ISLR2: variants seen among roughly 807,000 people sequenced by gnomAD.
ISLR2 encodes immunoglobulin superfamily containing leucine rich repeat 2.
ISLR2 carries 16 observed loss-of-function variants against 25.5 expected under a neutral mutation model. That is an observed-to-expected ratio of 0.63 (90% CI 0.43 to 0.95). The LOEUF is 0.95. Ranked by LOEUF, ISLR2 falls within the 40% of genes least tolerant of loss-of-function variation. ISLR2 has a pLI of 0.00. For synonymous variants in ISLR2, 508 were observed against 486.6 expected (o/e 1.04, Z -0.58); for missense variants, 883 against 1,030.7 (o/e 0.86, Z 1.96).
At position 74,134,080 on chromosome 15, in the gene ISLR2, A is replaced by G. The variant is rs775051626; in HGVS notation, c.1326A>G (p.Gly442=). The G allele has an allele frequency of 4.3e-6, 7 of 1,613,530 alleles. No individual in the cohort carries two copies. The highest frequency in any genetic ancestry group is 5.9e-6 in the Non-Finnish European group (7 of 1,179,872). ...ETEPEEDTSE[G]EEAEDQILAD... ...AGCCGGAGGAGGACACAAGTGAGGG[A>G]GAGGAGGCCGAAGACCAGATCCTCG... The change falls in exon 3 of 3, where the codon GGA becomes GGG. Residue 442 remains glycine, a synonymous_variant. Coordinates refer to ENST00000453268, the MANE Select transcript of ISLR2 (RefSeq NM_020851.3).
intron 2 of ISLR2, among the ~76,000 whole-genome samples, chr15:74,106,900 G>A (rs2072124919): frequency 6.6e-6 from 1 of 152,138 alleles, no homozygotes; most frequent in Admixed American, 6.5e-5. Flanking sequence ...AATTCTTACA[G>A]AGCCCTTCAT....
chr15:74,122,030 C>T (rs2072256889), intron 2 of ISLR2, among the ~76,000 whole-genome samples: 1 of 152,190 alleles, frequency 6.6e-6, no homozygotes. Flanking sequence ...CCCATCCACC[C>T]CAGAGACAGC....
intron 2 of ISLR2, among the ~76,000 whole-genome samples, chr15:74,110,929 C>T (rs1310469137): frequency 6.6e-6 from 1 of 151,646 alleles, no homozygotes; most frequent in Non-Finnish European, 1.5e-5. Flanking sequence ...CGTGCCATCG[C>T]ACTCCAGCCT....
chr15:74,122,130 G>A (rs144196099), intron 2 of ISLR2, among the ~76,000 whole-genome samples: 12 of 152,316 alleles, frequency 7.9e-5, no homozygotes, highest in Non-Finnish European at 1.3e-4. Context: ...GGCTTGGCAC[G>A]TCCTTGACCC....
downstream of ISLR2, among the ~76,000 whole-genome samples, chr15:74,139,388 A>G (rs1448766302): frequency 6.6e-6 from 1 of 152,200 alleles, no homozygotes; most frequent in Non-Finnish European, 1.5e-5. Context: ...AATTTAACTT[A>G]TTTAATTACA....
At position 74,135,946 on chromosome 15, in the gene ISLR2, C is replaced by T. The variant is rs368780444; in HGVS notation, c.*954C>T. ...ACTTCTGGCCAGTTGGAGTCCAGCCCGGTGCCTGGGGCGCCTTTCAGCTCC... is the reference window on the plus strand; with the variant it reads ...ACTTCTGGCCAGTTGGAGTCCAGCCTGGTGCCTGGGGCGCCTTTCAGCTCC... On this transcript the variant is annotated 3_prime_UTR_variant, in exon 3 of 3. Coordinates refer to ENST00000453268, the MANE Select transcript of ISLR2 (RefSeq NM_020851.3). 15 of 167,106 alleles carry T rather than the reference C, an allele frequency of 9.0e-5. No homozygotes were observed. The highest frequency in any genetic ancestry group is 7.9e-4 in the Admixed American group (12 of 15,274). 10.4% of individuals were successfully genotyped at this position (167,106 alleles called of 1,614,324 possible).
At chr15:74,128,711 C>A (rs1567159178), upstream of ISLR2, 2 of 454,114 alleles carry the variant, frequency 4.4e-6, no homozygotes, top group Non-Finnish European at 8.8e-6. Context: ...CTCACTCAGT[C>A]CCGAAAAGTC....
intron 2 of ISLR2, among the ~76,000 whole-genome samples, chr15:74,104,804 T>A (rs2072108028): frequency 6.7e-6 from 1 of 148,568 alleles, no homozygotes; most frequent in African/African-American, 2.5e-5. Flanking sequence ...CAGGCTGTTC[T>A]CAAACTCCTG....
At chr15:74,139,263 C>A (rs1360857814), downstream of ISLR2, among the ~76,000 whole-genome samples, 1 of 152,192 alleles carries the variant, frequency 6.6e-6, no homozygotes, top group Non-Finnish European at 1.5e-5. Flanking sequence ...TGCCAACTGC[C>A]CACTGAAATC....
chr15:74,109,582 C>T (rs1007024934), intron 2 of ISLR2, among the ~76,000 whole-genome samples: 4 of 152,158 alleles, frequency 2.6e-5, no homozygotes, highest in African/African-American at 9.7e-5. Context: ...TTGATTTTTA[C>T]CATTTCCTTC....
At chr15:74,121,570 A>C (rs7163410) in intron 2 of ISLR2, among the ~76,000 whole-genome samples, 13,432 of 152,110 alleles carry the variant, frequency 0.088, 1,499 homozygotes, top group African/African-American at 0.26. Flanking sequence ...GAAGGAGGGA[A>C]ATTGAGCCCC....
In ISLR2 at chr15:74,115,925, C is replaced by A. The variant is rs145707392; in HGVS notation, n.228+12011C>A. 3.2e-3 allele frequency among the ~76,000 whole-genome samples: 471 copies of A among 149,446 alleles called. 4 individuals carry two copies. Among genetic ancestry groups the A allele is most frequent in the African/African-American group, 0.011 (449 of 40,750 alleles). The stretch of plus-strand genomic sequence containing the variant: ...AAAAAAAAACAACACAGGCTGGGTG[C>A]GGTGGCTCACACCAGTAATCCCAGC... On this transcript the variant is annotated intron_variant and non_coding_transcript_variant, in intron 2 of 3. Coordinates refer to the ISLR2 transcript ENST00000561975.
downstream of ISLR2, among the ~76,000 whole-genome samples, chr15:74,141,283 A>G (rs2072609527): frequency 6.6e-6 from 1 of 152,224 alleles, no homozygotes; most frequent in African/African-American, 2.4e-5. Context: ...ATTAGGAGTT[A>G]ATTTGGTTTT....
upstream of ISLR2, chr15:74,129,984 G>A (rs2072370177): frequency 6.6e-6 from 1 of 152,212 alleles, no homozygotes; most frequent in African/African-American, 2.4e-5. The surrounding 1 kb of genome is among the most constrained non-coding windows in gnomAD (Gnocchi z 4.5). Context: ...GTGCTTGGGT[G>A]CGCTCGAGAG....
At chr15:74,108,872 A>G (rs575529353) in intron 2 of ISLR2, among the ~76,000 whole-genome samples, 1 of 152,226 alleles carries the variant, frequency 6.6e-6, no homozygotes, top group East Asian at 1.9e-4. Context: ...AGGCCACCAC[A>G]GGGTGAGGGT....
upstream of ISLR2, chr15:74,128,052 T>G (rs1049281077): frequency 9.6e-6 from 2 of 209,370 alleles, no homozygotes; most frequent in African/African-American, 4.8e-5. Flanking sequence ...ATCAAAGACG[T>G]GGGCGGCGGC....
chr15:74,106,599 A>T (rs1160159280), intron 2 of ISLR2, among the ~76,000 whole-genome samples: 4 of 152,024 alleles, frequency 2.6e-5, no homozygotes, highest in Non-Finnish European at 5.9e-5. Flanking sequence ...GCTTCCACTG[A>T]TGGGATATAA....
At chr15:74,137,956 T>G (rs529282035), downstream of ISLR2, among the ~76,000 whole-genome samples, 7 of 152,160 alleles carry the variant, frequency 4.6e-5, no homozygotes, top group Admixed American at 4.6e-4. Flanking sequence ...TTTTTTTTAT[T>G]TTTTTATTTT....
At chr15:74,110,236 G>A (rs1258636889) in intron 2 of ISLR2, among the ~76,000 whole-genome samples, 1 of 152,330 alleles carries the variant, frequency 6.6e-6, no homozygotes, top group African/African-American at 2.4e-5. Context: ...TGGCGAGGAT[G>A]CAGACAAAAC....
Sources: allele counts gnomAD v4.1 joint callset (sites outside exome capture counted in the v4.1 genomes callset), GRCh38; gene constraint gnomAD v4.1.1; non-coding constraint Gnocchi (gnomAD v3.1); transcripts MANE v1.5; gene names NCBI Gene and HGNC (gene_info 2026-07-23, HGNC 2026-07-21).